The following THSD7B variants were observed in gnomAD, a reference collection of about 807,000 sequenced individuals.
THSD7B encodes thrombospondin type 1 domain containing 7B.
THSD7B carries 138 observed loss-of-function variants against 213.6 expected under a neutral mutation model. The ratio of observed to expected loss-of-function variants is 0.65; its 90% confidence interval spans 0.56 to 0.74. The LOEUF is 0.74. THSD7B is among the 30% of genes least tolerant of loss of function. THSD7B has a pLI of 0.00. For synonymous variants in THSD7B, 742 were observed against 687.0 expected (o/e 1.08, Z -1.25); for missense variants, 1,931 against 1,991.5 (o/e 0.97, Z 0.58).
At chr2:137,114,795 G>T (rs955396350) in intron 4 of THSD7B, among the ~76,000 whole-genome samples, 2 of 152,144 alleles carry the variant, frequency 1.3e-5, no homozygotes, top group African/African-American at 2.4e-5. Context: ...CAGCTATCAA[G>T]AATTAGGCTC....
At chr2:137,303,038 T>G (rs62171152) in intron 12 of THSD7B, among the ~76,000 whole-genome samples, 9,380 of 152,204 alleles carry the variant, frequency 0.062, 542 homozygotes, top group African/African-American at 0.14. Context: ...CTTCTTACTC[T>G]GTCACCCAGG....
intron 2 of THSD7B, among the ~76,000 whole-genome samples, chr2:137,045,952 C>A (rs1686960017): frequency 6.6e-6 from 1 of 152,046 alleles, no homozygotes; most frequent in Non-Finnish European, 1.5e-5. Flanking sequence ...CAATAGAATA[C>A]AGGTTTCTAC....
intron 2 of THSD7B, among the ~76,000 whole-genome samples, chr2:137,054,140 C>T (rs899394757): frequency 1.3e-5 from 2 of 152,192 alleles, no homozygotes; most frequent in Admixed American, 1.3e-4. Context: ...TTGTGGGTGG[C>T]TGATTAAGTC....
chr2:136,928,069 T>TA (rs975135927), intron 2 of THSD7B, among the ~76,000 whole-genome samples: 1 of 152,146 alleles, frequency 6.6e-6, no homozygotes, highest in Non-Finnish European at 1.5e-5. Context: ...CTCCTTGACT[T>TA]ACAATGGAGT....
chr2:137,001,688 C>G (rs1204651029), intron 2 of THSD7B, among the ~76,000 whole-genome samples: 1 of 152,112 alleles, frequency 6.6e-6, no homozygotes, highest in African/African-American at 2.4e-5. Context: ...TGATGCAGTA[C>G]TAAAGGCTCC....
At chr2:137,203,804 T>C (rs1430573364) in intron 7 of THSD7B, among the ~76,000 whole-genome samples, 1 of 151,964 alleles carries the variant, frequency 6.6e-6, no homozygotes, top group African/African-American at 2.4e-5. Context: ...TAATTGGCAT[T>C]GATTAAAAAT....
At chr2:137,586,697 A>G (rs1039803056) in intron 17 of THSD7B, among the ~76,000 whole-genome samples, 28 of 152,328 alleles carry the variant, frequency 1.8e-4, no homozygotes, top group African/African-American at 6.5e-4. Flanking sequence ...GTTTCTGCAG[A>G]GAGATCAGCT....
Position 137,057,021 on chromosome 2 carries a change from A to G in THSD7B, c.741A>G (p.Pro247=), listed in dbSNP as rs369880741. Residue 247 remains proline, a synonymous_variant, in exon 3 of 28, where the codon CCA becomes CCG. Transcript: ENST00000409968. ...ATACATTTAGCCTTAAGGTTGGACC[A>G]TGGAGTAAATGCAGACTGCCTCATC... The part of the protein sequence containing the change: ...EEYTFSLKVG[P]WSKCRLPHLK... 17 of 1,613,854 alleles carry G rather than the reference A, an allele frequency of 1.1e-5. No homozygotes were observed. The African/African-American group carries it at 1.9e-4, about 18-fold the overall frequency.
At position 136,844,490 on chromosome 2, in the gene THSD7B, G is replaced by GAGAGAGAGAGAGAGAGAC. The variant is rs895586400; in HGVS notation, c.-35-37649_-35-37648insGAGAGAGAGAGACAGAGA. 6.3e-4 allele frequency among the ~76,000 whole-genome samples: 94 copies of GAGAGAGAGAGAGAGAGAC among 149,594 alleles called. 1 individual carries two copies. The highest frequency in any genetic ancestry group is 3.4e-3 in the Middle Eastern group (1 of 290). ...AGAGAGAGAGAGAGAGAGAGAGAGAGAGAGACAGAGAGATCGGTTTTCTGG... is the reference window on the plus strand; with the variant it reads ...AGAGAGAGAGAGAGAGAGAGAGAGAGAGAGAGAGAGAGAGAGACAGAGACAGAGAGATCGGTTTTCTGG... On this transcript the variant is annotated intron_variant, in intron 1 of 27. Coordinates refer to ENST00000409968, the MANE Select transcript of THSD7B (RefSeq NM_001316349.2).
rs1256298152 is a variant in THSD7B, at chr2:137,677,298, T to C, written c.*693T>C. ...ATTTCTGAAGGGAATGTGTACTGAATGTTAGAGTGTACAAATGAAATATGT... is the reference window on the plus strand; with the variant it reads ...ATTTCTGAAGGGAATGTGTACTGAACGTTAGAGTGTACAAATGAAATATGT... On this transcript the variant is annotated 3_prime_UTR_variant, in exon 28 of 28. Coordinates refer to ENST00000409968, the MANE Select transcript of THSD7B (RefSeq NM_001316349.2). 6.6e-6 allele frequency: 1 copy of C among 152,314 alleles called. No homozygotes were observed. Among genetic ancestry groups the C allele is most frequent in the Non-Finnish European group, 1.5e-5 (1 of 68,050 alleles). 9.4% of individuals were successfully genotyped at this position (152,314 alleles called of 1,614,324 possible). A position where few individuals can be genotyped will look rare whatever the true frequency, so the allele number is the denominator to read the frequency against.
intron 21 of THSD7B, 127 bp from the exon 22 acceptor site, chr2:137,655,374 T>G (rs1008736261): frequency 6.6e-5 from 64 of 973,028 alleles, no homozygotes; most frequent in Non-Finnish European, 8.1e-5. Flanking sequence ...AATTGAGAGA[T>G]AGCTCACAAG....
At chr2:137,666,536 T>G (rs890849199) in intron 26 of THSD7B, among the ~76,000 whole-genome samples, 4 of 128,874 alleles carry the variant, frequency 3.1e-5, no homozygotes, top group South Asian at 2.7e-4. Flanking sequence ...TTTGATTGAT[T>G]TCCCCCCCCC....
intron 2 of THSD7B, among the ~76,000 whole-genome samples, chr2:136,902,943 A>C (rs929538924): frequency 3.3e-5 from 5 of 152,204 alleles, no homozygotes; most frequent in African/African-American, 9.6e-5. Context: ...AAGCTGGTCC[A>C]GCATAGAGGC....
chr2:137,613,095 A>T (rs944519893), intron 17 of THSD7B, among the ~76,000 whole-genome samples: 1 of 152,120 alleles, frequency 6.6e-6, no homozygotes, highest in African/African-American at 2.4e-5. Context: ...TTCAAACATG[A>T]TCACTTAGTT....
chr2:136,765,767 C>G (rs908919447), intron 1 of THSD7B, 80 bp downstream of exon 1: 1 of 152,248 alleles, frequency 6.6e-6, no homozygotes, highest in Non-Finnish European at 1.5e-5. Context: ...GTGGCAGCGC[C>G]GGGGAAGGGG....
At chr2:137,274,951 T>C (rs1558738956) in intron 11 of THSD7B, among the ~76,000 whole-genome samples, 1 of 152,076 alleles carries the variant, frequency 6.6e-6, no homozygotes. Context: ...AAGTCAATGA[T>C]GTTTTGCTTT....
At chr2:136,834,012 C>G (rs949084221) in intron 1 of THSD7B, among the ~76,000 whole-genome samples, 8 of 152,184 alleles carry the variant, frequency 5.3e-5, no homozygotes, top group Non-Finnish European at 1.0e-4. Flanking sequence ...TTATCAGAAC[C>G]TTTTCCTGCT....
rs183449827 is a variant in THSD7B at position 137,550,970 on chromosome 2, G to A, written c.3139-12251G>A. On this transcript the variant is annotated intron_variant, in intron 15 of 27. Transcript: ENST00000409968. ...TTACCTATATAACAAACCTTCACATGTACCCCTGAACCTAAAATGAAAGTT... is the reference window on the plus strand; with the variant it reads ...TTACCTATATAACAAACCTTCACATATACCCCTGAACCTAAAATGAAAGTT... 2.5e-3 allele frequency among the ~76,000 whole-genome samples: 372 copies of A among 151,572 alleles called. 1 individual carries two copies. Among genetic ancestry groups the A allele is most frequent in the African/African-American group, 8.5e-3 (353 of 41,316 alleles).
At chr2:137,331,649 G>A (rs978341179) in intron 12 of THSD7B, among the ~76,000 whole-genome samples, 2 of 152,338 alleles carry the variant, frequency 1.3e-5, no homozygotes, top group Non-Finnish European at 2.9e-5. Flanking sequence ...TGGGCGCTGT[G>A]GAGCAGGGGG....
Sources: gnomAD v4.1 joint callset for allele counts (sites outside exome capture counted in the v4.1 genomes callset) on GRCh38, gnomAD v4.1.1 for gene constraint, MANE v1.5 for transcripts, NCBI Gene and HGNC (gene_info 2026-07-23, HGNC 2026-07-21) for gene names.